PTPRD: variants seen among roughly 807,000 people sequenced by gnomAD.
PTPRD encodes the protein receptor-type tyrosine-protein phosphatase delta.
Under a neutral mutation model 214.5 loss-of-function variants are expected in PTPRD, and 34 were observed. The ratio of observed to expected loss-of-function variants is 0.16; its 90% CI spans 0.12 to 0.21. The LOEUF (loss-of-function observed/expected upper bound fraction) is 0.21. Among genes scored for constraint, PTPRD ranks in the 10% least tolerant of loss-of-function variants. PTPRD has a pLI of 1.00. For missense variants in PTPRD, 2,545 were observed against 2,398.7 expected (o/e 1.06, Z -1.27); for synonymous variants, 1,128 against 845.7 (o/e 1.33, Z -5.79).
In PTPRD at chr9:9,322,375, T is replaced by G. The variant is rs559245096; in HGVS notation, c.-203+75074A>C. On this transcript the variant is annotated intron_variant, in intron 9 of 45. Transcript: ENST00000381196. ...TCACAATTTTCCTGTGAGAAGAGTA[T>G]ATTCATTATTGTACAAAAAAGAACG... Among the ~76,000 whole-genome samples, 12 of 152,318 alleles carry G rather than the reference T, an allele frequency of 7.9e-5. No homozygotes were observed. The South Asian group carries it at 2.3e-3, about 29-fold the overall frequency.
chr9:9,954,688 C>G (rs1008373196), intron 4 of PTPRD, among the ~76,000 whole-genome samples: 1 of 151,838 alleles, frequency 6.6e-6, no homozygotes. Context: ...AATAGTAATC[C>G]TCCCTCCCAT....
intron 2 of PTPRD, among the ~76,000 whole-genome samples, chr9:10,397,287 C>T (rs375905580): frequency 5.3e-5 from 8 of 152,038 alleles, no homozygotes; most frequent in African/African-American, 1.9e-4. Flanking sequence ...GTATAATGGA[C>T]ATGATAATGG....
rs201039190 is a variant in PTPRD, at chr9:9,954,283, ACT to A, written c.-471-15675_-471-15674del. Among the ~76,000 whole-genome samples, 1,036 of 118,938 alleles carry A rather than the reference ACT, an allele frequency of 8.7e-3. 17 individuals are homozygous for A. Among genetic ancestry groups the A allele is most frequent in the African/African-American group, 0.033 (967 of 29,114 alleles). 78.0% of individuals were successfully genotyped at this position (118,938 alleles called of 152,430 possible). A position where few individuals can be genotyped will look rare whatever the true frequency, so the allele number is the denominator to read the frequency against. ...ATTCCAGCCTCGGTGACAGATTGAG[ACT>A]CTGTCTCAAAACAAAAAAAAAAAAA... On this transcript the variant is annotated intron_variant, in intron 4 of 45. Coordinates refer to ENST00000381196, the MANE Select transcript of PTPRD (RefSeq NM_002839.4).
In PTPRD at chr9:9,402,986, A is replaced by AT. The variant is rs1569568019; in HGVS notation, c.-236-5505_-236-5504insA. Among the ~76,000 whole-genome samples the AT allele has an allele frequency of 6.1e-5, 9 of 147,088 alleles. 1 individual carries two copies. The South Asian group carries it at 1.9e-3, about 31-fold the overall frequency. On this transcript the variant is annotated intron_variant, in intron 8 of 45. Transcript: ENST00000381196. ...AGGGAGAAAAAAAAAAAAAAAAAAA[A>AT]AAACACCAAAAAAAAATGAGGTGCC...
chr9:10,420,153 G>A (rs1419021546), intron 2 of PTPRD, among the ~76,000 whole-genome samples: 2 of 151,790 alleles, frequency 1.3e-5, no homozygotes, highest in African/African-American at 4.8e-5. Context: ...AGGATTAGAA[G>A]CTATCATTTT....
At chr9:8,673,068 T>C (rs923179218) in intron 12 of PTPRD, among the ~76,000 whole-genome samples, 4 of 152,178 alleles carry the variant, frequency 2.6e-5, no homozygotes, top group East Asian at 3.8e-4. Context: ...TGATTTTTTT[T>C]CTACTAAGAT....
intron 10 of PTPRD, among the ~76,000 whole-genome samples, chr9:9,102,707 C>A (rs756768297): frequency 6.6e-6 from 1 of 152,188 alleles, no homozygotes; most frequent in Non-Finnish European, 1.5e-5. Flanking sequence ...ACGATGTGAT[C>A]ATTCACGGAG....
chr9:8,716,630 C>G (rs1030044113), intron 12 of PTPRD, among the ~76,000 whole-genome samples: 2 of 127,506 alleles, frequency 1.6e-5, no homozygotes, highest in African/African-American at 1.0e-4. Flanking sequence ...ATTGTAAAAC[C>G]TAGGGGATGG....
intron 3 of PTPRD, among the ~76,000 whole-genome samples, chr9:10,192,427 G>T (rs1468985050): frequency 8.0e-6 from 1 of 124,944 alleles, no homozygotes; most frequent in Non-Finnish European, 1.6e-5. Flanking sequence ...TCAAAGTATT[G>T]GCAAGGTCAC....
chr9:9,334,508 T>C (rs1185871603), intron 9 of PTPRD, among the ~76,000 whole-genome samples: 1 of 151,940 alleles, frequency 6.6e-6, no homozygotes, highest in African/African-American at 2.4e-5. Context: ...CAGAATAAAA[T>C]ATTTGATGGT....
intron 11 of PTPRD, among the ~76,000 whole-genome samples, chr9:8,811,187 T>C (rs181630040): frequency 6.6e-6 from 1 of 152,308 alleles, no homozygotes; most frequent in Non-Finnish European, 1.5e-5. Context: ...GGGCGCAGTC[T>C]TGATCTCACT....
chr9:9,654,243 G>C (rs951412132), intron 7 of PTPRD, among the ~76,000 whole-genome samples: 1 of 152,060 alleles, frequency 6.6e-6, no homozygotes, highest in Non-Finnish European at 1.5e-5. Flanking sequence ...TCTTTAGTAA[G>C]AGTGAGAAGC....
At chr9:9,442,950 T>C (rs2088765643) in intron 8 of PTPRD, among the ~76,000 whole-genome samples, 1 of 152,188 alleles carries the variant, frequency 6.6e-6, no homozygotes, top group African/African-American at 2.4e-5. Context: ...CATATGTTTA[T>C]CCATATGTAT....
chr9:10,499,236 G>T (rs2042956961), intron 2 of PTPRD, among the ~76,000 whole-genome samples: 1 of 151,800 alleles, frequency 6.6e-6, no homozygotes, highest in Non-Finnish European at 1.5e-5. Flanking sequence ...AAATGAGAAG[G>T]TCCTCATTGT....
intron 11 of PTPRD, among the ~76,000 whole-genome samples, chr9:8,843,846 A>C (rs1019737604): frequency 2.0e-5 from 3 of 152,186 alleles, no homozygotes; most frequent in Admixed American, 6.5e-5. Context: ...CTTAGGTTCC[A>C]AAGACCAAGA....
At chr9:9,609,107 A>C (rs2094364964) in intron 7 of PTPRD, among the ~76,000 whole-genome samples, 1 of 152,188 alleles carries the variant, frequency 6.6e-6, no homozygotes, top group African/African-American at 2.4e-5. Context: ...AATTGGACTT[A>C]CAATTTGTGC....
intron 8 of PTPRD, among the ~76,000 whole-genome samples, chr9:9,476,821 C>T (rs1022033065): frequency 3.9e-5 from 6 of 152,064 alleles, no homozygotes; most frequent in African/African-American, 1.4e-4. Flanking sequence ...CCGCAACCTC[C>T]ACCTCCTGGG....
At chr9:10,477,795 C>G (rs557513449) in intron 2 of PTPRD, among the ~76,000 whole-genome samples, 2 of 152,136 alleles carry the variant, frequency 1.3e-5, no homozygotes, top group East Asian at 3.9e-4. Context: ...GAATACTATG[C>G]AGCCATAAAA....
chr9:8,823,330 C>CT (rs2097109491), intron 11 of PTPRD, among the ~76,000 whole-genome samples: 1 of 152,188 alleles, frequency 6.6e-6, no homozygotes, highest in Admixed American at 6.5e-5. Context: ...GATTCACAAA[C>CT]TTTTAACTCA....
Sources: allele counts gnomAD v4.1 joint callset (sites outside exome capture counted in the v4.1 genomes callset), GRCh38; gene constraint gnomAD v4.1.1; transcripts MANE v1.5; gene names NCBI Gene and HGNC (gene_info 2026-07-23, HGNC 2026-07-21).